Variants in CACNA1C observed in about 807,000 individuals in gnomAD.
CACNA1C encodes calcium voltage-gated channel subunit alpha1 C, also known as voltage-dependent L-type calcium channel subunit alpha-1C.
CACNA1C carries 30 observed loss-of-function variants against 229.0 expected under a neutral mutation model. The ratio of observed to expected loss-of-function variants is 0.13; its 90% CI spans 0.10 to 0.18. The LOEUF is 0.18. CACNA1C is among the 10% of genes least tolerant of loss of function. CACNA1C has a pLI of 1.00. For synonymous variants in CACNA1C, 1,114 were observed against 1,132.5 expected (o/e 0.98, Z 0.33); for missense variants, 1,658 against 2,845.0 (o/e 0.58, Z 9.49).
chr12:2,247,984 T>C (rs1007823743), intron 3 of CACNA1C, among the ~76,000 whole-genome samples: 1 of 152,210 alleles, frequency 6.6e-6, no homozygotes, highest in Non-Finnish European at 1.5e-5. Flanking sequence ...CAAATATAAT[T>C]AGTTATTTCT....
chr12:1,995,348 A>T (rs1299508885), intron 1 of CACNA1C, among the ~76,000 whole-genome samples: 3 of 152,264 alleles, frequency 2.0e-5, no homozygotes, highest in Non-Finnish European at 2.9e-5. Flanking sequence ...TGTGCATGGC[A>T]CATAGTACAG....
intron 3 of CACNA1C, among the ~76,000 whole-genome samples, chr12:2,144,021 T>A (rs922763682): frequency 3.3e-5 from 5 of 151,392 alleles, no homozygotes; most frequent in African/African-American, 1.2e-4. Flanking sequence ...GTAGGCTAGT[T>A]AGTTGGTCCA....
chr12:2,187,853 GA>G (rs1254165328), intron 3 of CACNA1C, among the ~76,000 whole-genome samples: 1 of 152,230 alleles, frequency 6.6e-6, no homozygotes, highest in Non-Finnish European at 1.5e-5. Context: ...CCAGGCCCCT[GA>G]CAGGTCATCC....
intron 1 of CACNA1C, among the ~76,000 whole-genome samples, chr12:2,111,356 C>T (rs1443812246): frequency 6.6e-6 from 1 of 152,166 alleles, no homozygotes. Flanking sequence ...GCTTCTACCT[C>T]GTGCTCCGGG....
At chr12:2,565,218 C>T (rs575232511) in intron 11 of CACNA1C, among the ~76,000 whole-genome samples, 27 of 152,096 alleles carry the variant, frequency 1.8e-4, no homozygotes, top group African/African-American at 5.1e-4. Flanking sequence ...CCTGTAATCC[C>T]AGCACTTTGG....
chr12:2,395,912 C>T (rs1277893351), intron 3 of CACNA1C, among the ~76,000 whole-genome samples: 2 of 152,200 alleles, frequency 1.3e-5, no homozygotes, highest in East Asian at 1.9e-4. Context: ...CTTATTTAAT[C>T]TTTACAAGCC....
At chr12:2,083,895 G>A (rs1362606289) in intron 1 of CACNA1C, among the ~76,000 whole-genome samples, 1 of 152,172 alleles carries the variant, frequency 6.6e-6, no homozygotes, top group Non-Finnish European at 1.5e-5. Context: ...TACTAAACAC[G>A]AGGCACTGGG....
At chr12:2,095,501 CCTT>C (rs2073480106) in intron 1 of CACNA1C, among the ~76,000 whole-genome samples, 1 of 152,218 alleles carries the variant, frequency 6.6e-6, no homozygotes, top group African/African-American at 2.4e-5. Flanking sequence ...CCTGACCTCC[CCTT>C]CTTCTCCCTT....
At chr12:2,663,962 C>A (rs865805962) in intron 34 of CACNA1C, among the ~76,000 whole-genome samples, 1 of 151,740 alleles carries the variant, frequency 6.6e-6, no homozygotes, top group Non-Finnish European at 1.5e-5. Flanking sequence ...GGATGGTCTC[C>A]ATCTCCTGAC....
intron 3 of CACNA1C, 25 bp downstream of exon 3, chr12:2,120,455 T>G: frequency 1.6e-6 from 2 of 1,260,638 alleles, no homozygotes; most frequent in Non-Finnish European, 2.3e-6. Flanking sequence ...CTCAAGTCTC[T>G]GCTTTTTCAC....
intron 29 of CACNA1C, among the ~76,000 whole-genome samples, chr12:2,629,227 G>A (rs555209957): frequency 9.2e-5 from 14 of 152,354 alleles, no homozygotes; most frequent in East Asian, 1.9e-4. Context: ...TGTTTTAAGC[G>A]ATTGCACACA....
At chr12:2,316,875 G>A (rs139386307) in intron 3 of CACNA1C, among the ~76,000 whole-genome samples, 63 of 152,286 alleles carry the variant, frequency 4.1e-4, no homozygotes, top group Non-Finnish European at 7.2e-4. Flanking sequence ...GGACACTACC[G>A]GCTGACTGCT....
At chr12:2,234,128 T>C (rs1378206849) in intron 3 of CACNA1C, among the ~76,000 whole-genome samples, 1 of 152,234 alleles carries the variant, frequency 6.6e-6, no homozygotes, top group Non-Finnish European at 1.5e-5. Context: ...AGGAGTGTTC[T>C]GCTGGACGAT....
At chr12:2,415,386 G>T (rs1208111668) in intron 3 of CACNA1C, among the ~76,000 whole-genome samples, 1 of 152,128 alleles carries the variant, frequency 6.6e-6, no homozygotes, top group Non-Finnish European at 1.5e-5. Context: ...GCCTCCCGTG[G>T]AGGCCGCGCA....
At chr12:2,236,351 A>T (rs2067369929) in intron 3 of CACNA1C, among the ~76,000 whole-genome samples, 1 of 152,204 alleles carries the variant, frequency 6.6e-6, no homozygotes, top group Non-Finnish European at 1.5e-5. Flanking sequence ...GACTACTATC[A>T]TGCCTGTGTA....
intron 30 of CACNA1C, chr12:2,641,481 C>A: frequency 1.8e-6 from 1 of 556,716 alleles, no homozygotes; most frequent in Non-Finnish European, 3.2e-6. Flanking sequence ...CTGGGTGGGG[C>A]AGAGGTTATC....
chr12:2,200,065 T>A (rs1185369869), intron 3 of CACNA1C, among the ~76,000 whole-genome samples: 1 of 152,222 alleles, frequency 6.6e-6, no homozygotes, highest in South Asian at 2.1e-4. Flanking sequence ...CTCTGCCGTA[T>A]CCTTAGCACT....
rs952460650 is a variant in CACNA1C at position 2,004,514 on chromosome 12, C to G, written c.139+33313C>G. On this transcript the variant is annotated intron_variant, in intron 1 of 46. Coordinates refer to the CACNA1C transcript ENST00000682462. Reference sequence around the variant, plus strand: ...CAGAACGAGCGAGCTGCCTCGCAACCGAGAACCCACGGCGACCACACGGCC... The same window carrying G: ...CAGAACGAGCGAGCTGCCTCGCAACGGAGAACCCACGGCGACCACACGGCC... 66 of 1,510,228 alleles carry G rather than the reference C, an allele frequency of 4.4e-5. 1 individual carries two copies. Among genetic ancestry groups the G allele is most frequent in the Non-Finnish European group, 5.5e-5 (62 of 1,132,468 alleles). 93.6% of individuals were successfully genotyped at this position (1,510,228 alleles called of 1,614,324 possible). A position where few individuals can be genotyped will look rare whatever the true frequency, so the allele number is the denominator to read the frequency against.
At position 2,207,354 on chromosome 12, in the gene CACNA1C, C is replaced by T. The variant is rs1041236388; in HGVS notation, c.477+86924C>T. Among the ~76,000 whole-genome samples the T allele has an allele frequency of 2.6e-4, 39 of 152,024 alleles. 1 individual carries two copies. The highest frequency in any genetic ancestry group is 4.6e-4 in the Admixed American group (7 of 15,274). On this transcript the variant is annotated intron_variant, in intron 3 of 46. Coordinates refer to ENST00000399655, the MANE Select transcript of CACNA1C (RefSeq NM_000719.7). ...ACATTAAGCGGAGAGGTCAGGAGCA[C>T]GTTATATTCATTGTGATAGTTTGTG...
Sources: allele counts gnomAD v4.1 joint callset (sites outside exome capture counted in the v4.1 genomes callset), GRCh38; gene constraint gnomAD v4.1.1; transcripts MANE v1.5; gene names NCBI Gene and HGNC (gene_info 2026-07-23, HGNC 2026-07-21).